The following CEP128 variants were observed in gnomAD, a reference collection of about 807,000 sequenced individuals.
CEP128 encodes centrosomal protein 128kDa.
CEP128 carries 132 observed loss-of-function variants against 156.7 expected under a neutral mutation model. The observed-to-expected ratio is 0.84, with a 90% CI of 0.73 to 0.97. The LOEUF (loss-of-function observed/expected upper bound fraction) is 0.97, where lower values mean the gene tolerates loss of function less well. Ranked by LOEUF, CEP128 falls within the 50% of genes least tolerant of loss-of-function variation. The probability of loss-of-function intolerance (pLI) is 0.00; values close to 1 mark genes in which losing one functional copy is unlikely to be tolerated. For missense variants in CEP128, 1,252 were observed against 1,281.9 expected (o/e 0.98, Z 0.36); for synonymous variants, 469 against 448.9 (o/e 1.04, Z -0.57).
At chr14:80,550,592 CTAATA>C (rs1890170041) in intron 21 of CEP128, among the ~76,000 whole-genome samples, 1 of 151,338 alleles carries the variant, frequency 6.6e-6, no homozygotes, top group South Asian at 2.1e-4. Flanking sequence ...TTAGTTTATC[CTAATA>C]TAAAATATAT....
At chr14:80,622,653 T>C (rs1426932425) in intron 19 of CEP128, among the ~76,000 whole-genome samples, 1 of 149,798 alleles carries the variant, frequency 6.7e-6, no homozygotes, top group African/African-American at 2.5e-5. Flanking sequence ...GCGAAGGACA[T>C]GAACAGACAC....
At chr14:80,854,475 A>G (rs1029926228) in intron 9 of CEP128, among the ~76,000 whole-genome samples, 3 of 152,204 alleles carry the variant, frequency 2.0e-5, no homozygotes, top group South Asian at 2.1e-4. Context: ...GTCTATATAC[A>G]TCAGTCCAGG....
intron 21 of CEP128, among the ~76,000 whole-genome samples, chr14:80,549,606 G>A (rs554850528): frequency 6.6e-6 from 1 of 152,310 alleles, no homozygotes; most frequent in Non-Finnish European, 1.5e-5. Flanking sequence ...AAATACTTAG[G>A]AGAAGCATTG....
intron 21 of CEP128, among the ~76,000 whole-genome samples, chr14:80,545,015 C>T (rs58879257): frequency 0.013 from 1,951 of 152,182 alleles, 48 homozygotes; most frequent in African/African-American, 0.045. Context: ...TCAGTTGACC[C>T]TGATAGTAGA....
In CEP128 at chr14:80,530,807, A is replaced by G; in HGVS notation, c.2958+2T>C. On this transcript the variant is annotated splice_donor_variant, in intron 22 of 24. Transcript: ENST00000555265. LOFTEE classifies it high-confidence loss of function. ...GAAAGAGACAAGCCAACTCTTTCTC[A>G]CTCTGAAGTCTTTGAAATCTTCTAG... 1.3e-6 allele frequency: 2 copies of G among 1,598,488 alleles called. No homozygotes were observed. Among genetic ancestry groups the G allele is most frequent in the Non-Finnish European group, 1.7e-6 (2 of 1,170,726 alleles).
chr14:80,725,225 C>G (rs1029828127), intron 19 of CEP128, among the ~76,000 whole-genome samples: 2 of 150,662 alleles, frequency 1.3e-5, no homozygotes, highest in African/African-American at 4.9e-5. Flanking sequence ...TATTGTCACC[C>G]AGGCTGTAGT....
At chr14:80,946,443 C>T (rs1190489509), upstream of CEP128, among the ~76,000 whole-genome samples, 1 of 151,100 alleles carries the variant, frequency 6.6e-6, no homozygotes, top group Non-Finnish European at 1.5e-5. Context: ...ATCTAAAGAG[C>T]CTTGACTAAG....
intron 9 of CEP128, among the ~76,000 whole-genome samples, chr14:80,845,449 G>T (rs17111167): frequency 6.6e-6 from 1 of 151,992 alleles, no homozygotes; most frequent in East Asian, 1.9e-4. Flanking sequence ...GTTTTTATCC[G>T]AGTAGTTTCC....
intron 19 of CEP128, among the ~76,000 whole-genome samples, chr14:80,726,114 A>G (rs1331791328): frequency 6.6e-6 from 1 of 152,194 alleles, no homozygotes; most frequent in African/African-American, 2.4e-5. Flanking sequence ...CTTGTGGTTT[A>G]GAAACCAACA....
At chr14:80,673,084 C>T (rs1478880066) in intron 19 of CEP128, among the ~76,000 whole-genome samples, 1 of 152,126 alleles carries the variant, frequency 6.6e-6, no homozygotes, top group Non-Finnish European at 1.5e-5. Context: ...AGTACTTTCT[C>T]ATATTTAGAG....
At chr14:80,609,174 T>C (rs1892900751) in intron 19 of CEP128, among the ~76,000 whole-genome samples, 1 of 152,182 alleles carries the variant, frequency 6.6e-6, no homozygotes, top group African/African-American at 2.4e-5. Flanking sequence ...ATTTGTTATA[T>C]GTAATTTCAA....
intron 19 of CEP128, among the ~76,000 whole-genome samples, chr14:80,644,214 A>C (rs1894542638): frequency 2.0e-5 from 3 of 152,218 alleles, no homozygotes; most frequent in African/African-American, 7.2e-5. Context: ...TCTAGGCTCC[A>C]GAACTGTGAG....
chr14:80,902,172 G>T (rs1259964359), intron 6 of CEP128, among the ~76,000 whole-genome samples: 1 of 152,012 alleles, frequency 6.6e-6, no homozygotes, highest in Non-Finnish European at 1.5e-5. Context: ...CATAAATAAG[G>T]TTGTATTTAT....
At chr14:80,773,748 ATAGAG>A (rs1400843388) in intron 16 of CEP128, among the ~76,000 whole-genome samples, 12 of 152,332 alleles carry the variant, frequency 7.9e-5, no homozygotes, top group South Asian at 2.1e-4. Flanking sequence ...TATATTTCTG[ATAGAG>A]TAAACAGGTA....
At chr14:80,664,344 T>C (rs545550298) in intron 19 of CEP128, among the ~76,000 whole-genome samples, 1 of 152,168 alleles carries the variant, frequency 6.6e-6, no homozygotes, top group African/African-American at 2.4e-5. Flanking sequence ...AACTCACAGA[T>C]TCTAAGGAAA....
At chr14:80,836,857 ACATAGCAGGTACTTC>A (rs758604255) in intron 11 of CEP128, among the ~76,000 whole-genome samples, 2 of 152,240 alleles carry the variant, frequency 1.3e-5, no homozygotes, top group African/African-American at 2.4e-5. Flanking sequence ...ATTACCTAGC[ACATAGCAGGTACTTC>A]CAAATGAACA....
intron 13 of CEP128, among the ~76,000 whole-genome samples, chr14:80,794,054 CA>C (rs554809465): frequency 5.3e-4 from 81 of 152,166 alleles, no homozygotes; most frequent in Non-Finnish European, 9.1e-4. Flanking sequence ...CCTTAGTTTC[CA>C]AATACTTAGT....
chr14:80,522,365 A>G (rs1729108035), intron 23 of CEP128, among the ~76,000 whole-genome samples: 1 of 152,222 alleles, frequency 6.6e-6, no homozygotes, highest in Non-Finnish European at 1.5e-5. Flanking sequence ...CTTATATCAC[A>G]CACATGCTTA....
intron 17 of CEP128, among the ~76,000 whole-genome samples, chr14:80,758,799 A>G (rs1247032650): frequency 2.0e-5 from 3 of 152,250 alleles, no homozygotes; most frequent in African/African-American, 4.8e-5. Flanking sequence ...ATTTGACCCT[A>G]TAATAGCACC....
Sources: gnomAD v4.1 joint callset for allele counts (sites outside exome capture counted in the v4.1 genomes callset) on GRCh38, gnomAD v4.1.1 for gene constraint, MANE v1.5 for transcripts, NCBI Gene and HGNC (gene_info 2026-07-23, HGNC 2026-07-21) for gene names.